The following HMGXB3 variants were observed in gnomAD, a reference collection of about 807,000 sequenced individuals.
HMGXB3 encodes the protein HMG-box containing 3, also known as HMG domain-containing protein 3.
In HMGXB3, 45 loss-of-function variants were observed where a neutral mutation model predicts 121.5. The ratio of observed to expected loss-of-function variants is 0.37; its 90% CI spans 0.29 to 0.47. HMGXB3 has a LOEUF of 0.47. Ranked by LOEUF, HMGXB3 falls within the 20% of genes least tolerant of loss-of-function variation. HMGXB3 has a pLI of 0.99. For missense variants in HMGXB3, 1,376 were observed against 1,602.2 expected (o/e 0.86, Z 2.41); for synonymous variants, 590 against 624.1 (o/e 0.95, Z 0.81).
At chr5:150,014,852 T>C in intron 5 of HMGXB3, 1 of 517,908 alleles carries the variant, frequency 1.9e-6, no homozygotes, top group South Asian at 2.3e-5. Context: ...CTACCTGGTC[T>C]TCCCAAACAC....
Position 150,027,095 on chromosome 5 carries a change from C to A in HMGXB3, c.1712C>A (p.Pro571Gln). 9.0e-6 allele frequency: 14 copies of A among 1,551,610 alleles called. No homozygotes were observed. Among genetic ancestry groups the A allele is most frequent in the Non-Finnish European group, 1.1e-5 (13 of 1,146,962 alleles). ...LKQLGQPIQQ[P>Q]SGPGEVKLPS... ...CAGCTGGGCCAGCCCATTCAACAGC[C>A]ATCTGGCCCTGGTGAGGTGAAGGTA... Residue 571 changes from proline to glutamine, a missense_variant, in exon 9 of 20, where the codon CCA becomes CAA. Coordinates refer to ENST00000502717, the MANE Select transcript of HMGXB3 (RefSeq NM_014983.3).
At chr5:150,030,590 T>G (rs2278393) in intron 9 of HMGXB3, 151 bp from the exon 10 acceptor site, 99,296 of 611,378 alleles carry the variant, frequency 0.16, 14,798 homozygotes, top group African/African-American at 0.59. Flanking sequence ...TTGGTGGGCT[T>G]GTGACTGCCA....
At chr5:150,042,473 A>G (rs182338602) in intron 15 of HMGXB3, among the ~76,000 whole-genome samples, 21 of 152,236 alleles carry the variant, frequency 1.4e-4, no homozygotes, top group African/African-American at 4.6e-4. Flanking sequence ...ATTTGAGTAG[A>G]GATCTGAAAC....
rs1444548968 is a variant in HMGXB3 at position 150,041,756 on chromosome 5, C to A, written c.2546-29C>A. The A allele has an allele frequency of 2.0e-6, 3 of 1,534,898 alleles. No homozygotes were observed. In the African/African-American group the frequency reaches 4.1e-5, roughly 21 times the overall value. ...GTGGCTTCAGTGTCTTTTTCTGTGC[C>A]CTTCTCAGTGTTCTTGCTCTTCTTT... On this transcript the variant is annotated intron_variant, in intron 14 of 19. Transcript: ENST00000502717.
Position 150,010,077 on chromosome 5 carries a change from C to G in HMGXB3, c.313-34C>G, listed in dbSNP as rs1481404013. On this transcript the variant is annotated intron_variant, in intron 3 of 19. Transcript: ENST00000502717. The stretch of plus-strand genomic sequence containing the variant: ...TGTGGTCTTAGTCCATTTATCTCTG[C>G]TTGTCTCCCCCTTCCTGGCTTCCTC... 3.9e-6 allele frequency: 6 copies of G among 1,534,504 alleles called. No individual in the cohort carries two copies. In the South Asian group the frequency reaches 7.4e-5, roughly 19 times the overall value.
rs1349173665 is a variant in HMGXB3, at chr5:150,048,563, CT to C, written c.3085-5del. On this transcript the variant is annotated splice_region_variant and splice_polypyrimidine_tract_variant and intron_variant, in intron 17 of 19. Coordinates refer to ENST00000502717, the MANE Select transcript of HMGXB3 (RefSeq NM_014983.3). ...TTATGTTTTTAATCTTGTCCTTCTA[CT>C]CCAGGACCAGCTCTGCTTCTCCTTG... The C allele has an allele frequency of 6.5e-7, 1 of 1,541,310 alleles. No individual in the cohort carries two copies. Among genetic ancestry groups the C allele is most frequent in the East Asian group, 2.4e-5 (1 of 40,866 alleles).
At chr5:150,023,560 A>G (rs1200994634) in intron 6 of HMGXB3, among the ~76,000 whole-genome samples, 1 of 152,232 alleles carries the variant, frequency 6.6e-6, no homozygotes, top group African/African-American at 2.4e-5. Flanking sequence ...ATATAATACT[A>G]TTATTTCCAC....
chr5:150,003,296 G>A (rs963177876), intron 1 of HMGXB3, among the ~76,000 whole-genome samples: 1 of 152,198 alleles, frequency 6.6e-6, no homozygotes, highest in Admixed American at 6.5e-5. Context: ...GAACAGTGCT[G>A]GTTTGGAGGG....
intron 1 of HMGXB3, among the ~76,000 whole-genome samples, chr5:150,003,896 G>A (rs1755636483): frequency 6.6e-6 from 1 of 152,126 alleles, no homozygotes; most frequent in South Asian, 2.1e-4. Flanking sequence ...CAAGACTGTA[G>A]TGAGCCCAGA....
intron 15 of HMGXB3, among the ~76,000 whole-genome samples, chr5:150,042,441 A>G (rs1237466445): frequency 2.0e-5 from 3 of 152,070 alleles, no homozygotes; most frequent in Admixed American, 6.6e-5. Context: ...GTGAGGGGGG[A>G]AGGCCCCTCT....
chr5:150,010,909 C>G (rs1387195984), intron 4 of HMGXB3, among the ~76,000 whole-genome samples: 4 of 152,338 alleles, frequency 2.6e-5, no homozygotes, highest in African/African-American at 7.2e-5. Flanking sequence ...CGAGTCAAAG[C>G]TAGGATCTGT....
At position 150,051,986 on chromosome 5, in the gene HMGXB3, G is replaced by A. The variant is rs1272564280; in HGVS notation, c.3673G>A (p.Ala1225Thr). 11 of 1,552,072 alleles carry A rather than the reference G, an allele frequency of 7.1e-6. No homozygotes were observed. Among genetic ancestry groups the A allele is most frequent in the East Asian group, 4.9e-5 (2 of 40,936 alleles). The change falls in exon 20 of 20, where the codon GCC (alanine) becomes ACC (threonine). Residue 1225 changes from alanine (A) to threonine (T), a missense_variant. By Grantham distance (58) the Ala-to-Thr change is moderately conservative (BLOSUM62 0). Around this residue, in one of 2 missense-constraint regions of HMGXB3, gnomAD observed 260 missense variants for 233.2 expected, o/e 1.11. Coordinates refer to ENST00000502717, the MANE Select transcript of HMGXB3 (RefSeq NM_014983.3). Reference sequence around the variant, plus strand: ...CCAGCGGCCCATTGCCTTCGACAATGCCACTCACTATTACCTCTACAACCG... The same window carrying A: ...CCAGCGGCCCATTGCCTTCGACAATACCACTCACTATTACCTCTACAACCG... ...VRQRPIAFDN[A>T]THYYLYNRLM...
In HMGXB3 at chr5:150,052,377, T is replaced by A. The variant is rs1462895188; in HGVS notation, c.*185T>A. The A allele has an allele frequency of 1.8e-5, 11 of 597,622 alleles. No homozygotes were observed. The highest frequency in any genetic ancestry group is 3.3e-5 in the Non-Finnish European group (11 of 338,020). 37.0% of individuals were successfully genotyped at this position (597,622 alleles called of 1,614,324 possible). On this transcript the variant is annotated 3_prime_UTR_variant, in exon 20 of 20. Transcript: ENST00000502717. ...ACCCAGGGTCCTCAGTTCTCAACCCTCCAGGGGTCAGGAGTGGTACCAGGA... is the reference window on the plus strand; with the variant it reads ...ACCCAGGGTCCTCAGTTCTCAACCCACCAGGGGTCAGGAGTGGTACCAGGA...
chr5:150,009,230 G>A (rs985969476), intron 3 of HMGXB3, among the ~76,000 whole-genome samples: 3 of 152,106 alleles, frequency 2.0e-5, no homozygotes, highest in Admixed American at 2.0e-4. Context: ...GACCTGGCCT[G>A]GAGTCCCAGC....
Position 150,003,743 on chromosome 5 carries a change from C to T in HMGXB3, c.-2-1108C>T, listed in dbSNP as rs117795026. Among the ~76,000 whole-genome samples the T allele has an allele frequency of 1.1e-3, 160 of 151,922 alleles. 3 individuals carry two copies. The East Asian group carries it at 0.028, about 27-fold the overall frequency. On this transcript the variant is annotated intron_variant, in intron 1 of 19. Coordinates refer to ENST00000502717, the MANE Select transcript of HMGXB3 (RefSeq NM_014983.3). ...GTTTGAGAGGCCAAGGTGGGCAGAT[C>T]GCCCGAGTCCAGGATTTTGAGACCA... is the stretch of plus-strand genomic sequence containing the variant.
At position 150,040,893 on chromosome 5, in the gene HMGXB3, T is replaced by C; in HGVS notation, c.2545+14T>C. 6.5e-7 allele frequency: 1 copy of C among 1,541,978 alleles called. No homozygotes were observed. The highest frequency in any genetic ancestry group is 8.7e-7 in the Non-Finnish European group (1 of 1,143,426). On this transcript the variant is annotated intron_variant, in intron 14 of 19. Coordinates refer to ENST00000502717, the MANE Select transcript of HMGXB3 (RefSeq NM_014983.3). Reference sequence around the variant, plus strand: ...AGGAGCAGACAGGTAAAAGTTGTTTTCTTCCCTTTCCCAAGGTTAGTCCTA... The same window carrying C: ...AGGAGCAGACAGGTAAAAGTTGTTTCCTTCCCTTTCCCAAGGTTAGTCCTA...
intron 3 of HMGXB3, 29 bp from the exon 4 acceptor site, chr5:150,010,082 C>G (rs1423888284): frequency 1.3e-6 from 2 of 1,537,878 alleles, no homozygotes; most frequent in Non-Finnish European, 1.8e-6. Flanking sequence ...CTCTGCTTGT[C>G]TCCCCCTTCC....
At chr5:150,024,755 T>A (rs1236539427) in intron 7 of HMGXB3, 75 bp downstream of exon 7, 28 of 1,252,376 alleles carry the variant, frequency 2.2e-5, no homozygotes, top group Non-Finnish European at 2.9e-5. Flanking sequence ...CTGTACAGCA[T>A]GCCTGAGAGA....
intron 9 of HMGXB3, among the ~76,000 whole-genome samples, chr5:150,028,270 C>A (rs1159020209): frequency 6.6e-6 from 1 of 151,778 alleles, no homozygotes; most frequent in Admixed American, 6.6e-5. Flanking sequence ...GTCAGATATG[C>A]ATTTATCTCA....
Sources: gnomAD v4.1 joint callset for allele counts (sites outside exome capture counted in the v4.1 genomes callset) on GRCh38, gnomAD v4.1.1 for gene constraint, gnomAD v4.1.1 regional missense constraint, MANE v1.5 for transcripts, NCBI Gene and HGNC (gene_info 2026-07-23, HGNC 2026-07-21) for gene names.